TFEC: variants seen among roughly 807,000 people sequenced by gnomAD.
The protein encoded by TFEC is class E basic helix-loop-helix protein 34.
In TFEC, 31 loss-of-function variants were observed where a neutral mutation model predicts 41.6. That is an observed-to-expected ratio of 0.74 (90% CI 0.56 to 1.01). TFEC has a LOEUF of 1.01. TFEC is among the 50% of genes least tolerant of loss of function. The probability of loss-of-function intolerance (pLI) is 0.00; values close to 1 mark genes in which losing one functional copy is unlikely to be tolerated. For synonymous variants in TFEC, 143 were observed against 140.6 expected, an observed-to-expected ratio of 1.02 and a Z score of -0.12; for missense variants, 402 against 404.1, an observed-to-expected ratio of 0.99 and a Z score of 0.04.
intron 2 of TFEC, among the ~76,000 whole-genome samples, chr7:115,981,939 G>A (rs1358310577): frequency 2.0e-5 from 3 of 152,216 alleles, no homozygotes; most frequent in African/African-American, 4.8e-5. Context: ...ATAAGTCTGA[G>A]CCAGGTGCAA....
At chr7:116,058,373 TA>T (rs1215793608) in intron 3 of TFEC, among the ~76,000 whole-genome samples, 1 of 148,352 alleles carries the variant, frequency 6.7e-6, no homozygotes, top group Non-Finnish European at 1.5e-5. Flanking sequence ...TCAAAATATA[TA>T]AAGCACAAAC....
intron 1 of TFEC, among the ~76,000 whole-genome samples, chr7:116,157,894 T>C (rs1476021182): frequency 6.6e-6 from 1 of 152,148 alleles, no homozygotes; most frequent in Non-Finnish European, 1.5e-5. Flanking sequence ...CTGGAGGACA[T>C]GGCTGTACAT....
Position 115,994,143 on chromosome 7 carries a change from G to A in TFEC, c.-72-9630C>T, listed in dbSNP as rs368294534. Among the ~76,000 whole-genome samples the A allele has an allele frequency of 6.7e-3, 1,020 of 152,282 alleles. 11 individuals are homozygous for A. Among genetic ancestry groups the A allele is most frequent in the African/African-American group, 0.023 (962 of 41,548 alleles). On this transcript the variant is annotated intron_variant, in intron 1 of 7. Coordinates refer to ENST00000265440, the MANE Select transcript of TFEC (RefSeq NM_012252.4). ...TTTAATAAATGGTGCTGGGAAACCT[G>A]GCTAGCCATATGTAGAAAGCTGAAA...
intron 3 of TFEC, among the ~76,000 whole-genome samples, chr7:116,094,012 C>T (rs961004512): frequency 1.3e-5 from 2 of 152,018 alleles, no homozygotes; most frequent in South Asian, 2.1e-4. Context: ...AAAAGTGAGT[C>T]GAATTTACAA....
chr7:116,051,471 C>G (rs966773854), intron 3 of TFEC, among the ~76,000 whole-genome samples: 2 of 152,180 alleles, frequency 1.3e-5, no homozygotes, highest in Non-Finnish European at 2.9e-5. Context: ...TACACCATTT[C>G]TCTCTCATGA....
chr7:116,142,242 C>T (rs1264496530), intron 1 of TFEC, among the ~76,000 whole-genome samples: 1 of 152,172 alleles, frequency 6.6e-6, no homozygotes, highest in Admixed American at 6.5e-5. Flanking sequence ...ATTAGATTTA[C>T]TATGAACTCC....
At chr7:116,152,903 T>C (rs1477846338) in intron 1 of TFEC, among the ~76,000 whole-genome samples, 2 of 151,854 alleles carry the variant, frequency 1.3e-5, no homozygotes, top group African/African-American at 4.8e-5. Flanking sequence ...GGGAGAAAAA[T>C]CATTCAACAA....
At chr7:116,158,667 C>T (rs1798917290) in intron 1 of TFEC, among the ~76,000 whole-genome samples, 1 of 152,020 alleles carries the variant, frequency 6.6e-6, no homozygotes, top group African/African-American at 2.4e-5. Context: ...TGGTTGTGCT[C>T]TCCTTGCTTA....
At chr7:116,058,895 T>G (rs1218690574) in intron 3 of TFEC, among the ~76,000 whole-genome samples, 1 of 151,724 alleles carries the variant, frequency 6.6e-6, no homozygotes, top group East Asian at 1.9e-4. Context: ...AAAGCAATAT[T>G]GAGGGACGAA....
At chr7:116,137,453 T>G (rs1010952720) in intron 1 of TFEC, among the ~76,000 whole-genome samples, 1 of 152,122 alleles carries the variant, frequency 6.6e-6, no homozygotes, top group Non-Finnish European at 1.5e-5. Flanking sequence ...TCAGAGAGAC[T>G]TGGATGTGAG....
At chr7:116,124,194 T>C (rs1011473674) in intron 1 of TFEC, among the ~76,000 whole-genome samples, 1 of 152,096 alleles carries the variant, frequency 6.6e-6, no homozygotes, top group African/African-American at 2.4e-5. Flanking sequence ...TATAGTATAA[T>C]ATAACCACGA....
chr7:116,017,172 A>G (rs1231990697), intron 1 of TFEC, among the ~76,000 whole-genome samples: 2 of 152,186 alleles, frequency 1.3e-5, no homozygotes, highest in Non-Finnish European at 2.9e-5. Flanking sequence ...TTAAAATCAC[A>G]GAATGGATCA....
intron 3 of TFEC, among the ~76,000 whole-genome samples, chr7:116,098,394 G>A (rs539089226): frequency 6.6e-6 from 1 of 151,954 alleles, no homozygotes; most frequent in Non-Finnish European, 1.5e-5. Context: ...GAACCACTGC[G>A]CCCAGCCGCA....
intron 1 of TFEC, among the ~76,000 whole-genome samples, chr7:116,129,319 T>C (rs538526335): frequency 6.6e-6 from 1 of 150,434 alleles, no homozygotes; most frequent in African/African-American, 2.4e-5. Context: ...GTTTTTTCAA[T>C]CTCACCCTTG....
intron 1 of TFEC, chr7:116,112,063 G>A (rs1797867560): frequency 2.1e-6 from 2 of 970,814 alleles, no homozygotes; most frequent in East Asian, 1.1e-4. Flanking sequence ...AAAGAGAGAA[G>A]TTACTGTTTT....
At chr7:116,154,999 G>A (rs1281428991) in intron 1 of TFEC, among the ~76,000 whole-genome samples, 1 of 152,162 alleles carries the variant, frequency 6.6e-6, no homozygotes, top group Non-Finnish European at 1.5e-5. Flanking sequence ...TCTAGCCCCT[G>A]CTATGCACCC....
intron 1 of TFEC, among the ~76,000 whole-genome samples, chr7:116,145,440 C>T (rs529535729): frequency 6.6e-6 from 1 of 152,280 alleles, no homozygotes; most frequent in South Asian, 2.1e-4. Context: ...AGGCAGCACT[C>T]ATCAACTCAC....
At chr7:115,949,097 T>C (rs374468710) in intron 6 of TFEC, among the ~76,000 whole-genome samples, 13 of 152,080 alleles carry the variant, frequency 8.5e-5, no homozygotes, top group African/African-American at 2.2e-4. Flanking sequence ...CTCCCATTCA[T>C]AATTGCTTCA....
rs117364797 is a variant in TFEC, at chr7:116,151,109, G to A, written c.-69+8681C>T. 3.4e-3 allele frequency among the ~76,000 whole-genome samples: 510 copies of A among 152,086 alleles called. 2 individuals are homozygous for A. The highest frequency in any genetic ancestry group is 5.2e-3 in the Non-Finnish European group (351 of 68,000). ...TGGCATTTCACATGCTTAATCAGTA[G>A]CATATGAAAATAAAGAAATATGTGA... is the stretch of plus-strand genomic sequence containing the variant. On this transcript the variant is annotated intron_variant, in intron 1 of 8. Coordinates refer to the TFEC transcript ENST00000484212.
Sources: gnomAD v4.1 joint callset for allele counts (sites outside exome capture counted in the v4.1 genomes callset) on GRCh38, gnomAD v4.1.1 for gene constraint, MANE v1.5 for transcripts, NCBI Gene and HGNC (gene_info 2026-07-23, HGNC 2026-07-21) for gene names.